The following CEP83 variants were observed in gnomAD, a reference collection of about 807,000 sequenced individuals.
The protein encoded by CEP83 is centrosomal protein of 83 kDa.
CEP83 carries 70 observed loss-of-function variants against 101.9 expected under a neutral mutation model. The observed-to-expected ratio is 0.69, with a 90% CI of 0.57 to 0.84. CEP83 has a LOEUF of 0.84. CEP83 is among the 40% of genes least tolerant of loss of function. The pLI is 0.00. For missense variants in CEP83, 715 were observed against 787.2 expected (o/e 0.91, Z 1.10); for synonymous variants, 264 against 267.9 (o/e 0.99, Z 0.14).
rs549218399 is a variant in CEP83 at position 94,449,629 on chromosome 12, C to T, written c.-155+9928G>A. Among the ~76,000 whole-genome samples the T allele has an allele frequency of 7.3e-5, 11 of 149,710 alleles. No homozygotes were observed. In the South Asian group the frequency reaches 1.3e-3, roughly 17 times the overall value. ...AAAAAAAAAAAAAAAGAAAAATAGCCAGGTGTGGTGGCATGAGCCTGTAGC... is the reference window on the plus strand; with the variant it reads ...AAAAAAAAAAAAAAAGAAAAATAGCTAGGTGTGGTGGCATGAGCCTGTAGC... On this transcript the variant is annotated intron_variant, in intron 1 of 16. Coordinates refer to ENST00000397809, the MANE Select transcript of CEP83 (RefSeq NM_016122.3).
intron 14 of CEP83, among the ~76,000 whole-genome samples, chr12:94,329,563 G>T (rs1041558504): frequency 4.6e-5 from 7 of 152,164 alleles, no homozygotes; most frequent in African/African-American, 1.7e-4. Context: ...TGCTTCAAAA[G>T]AATTCAACCC....
chr12:94,396,280 CTTT>C (rs776434390), intron 6 of CEP83, among the ~76,000 whole-genome samples: 2 of 90,940 alleles, frequency 2.2e-5, no homozygotes, highest in African/African-American at 9.2e-5. Flanking sequence ...AAAAGCATGA[CTTT>C]TTTTTTTTTT....
At chr12:94,277,280 GA>G in the CEP83 span, 3 of 152,538 alleles carry the variant, frequency 2.0e-5, no homozygotes, top group African/African-American at 7.2e-5. Flanking sequence ...CTGCCCTCAT[GA>G]TCTAATCCCC....
At chr12:94,379,426 C>T (rs1014687429) in intron 6 of CEP83, among the ~76,000 whole-genome samples, 3 of 152,168 alleles carry the variant, frequency 2.0e-5, no homozygotes, top group Admixed American at 6.5e-5. Flanking sequence ...GACTGTAATT[C>T]TTGAGCTAGT....
intron 1 of CEP83, among the ~76,000 whole-genome samples, chr12:94,455,013 C>T: frequency 6.6e-6 from 1 of 151,956 alleles, no homozygotes. Flanking sequence ...ATCTGAACAT[C>T]TGAAGGAACA....
At chr12:94,345,031 A>G (rs1216811150) in intron 11 of CEP83, among the ~76,000 whole-genome samples, 1 of 152,200 alleles carries the variant, frequency 6.6e-6, no homozygotes, top group African/African-American at 2.4e-5. Context: ...GAGGGAAAAG[A>G]TAGTCTTCAA....
intron 2 of CEP83, chr12:94,424,925 C>T: frequency 1.9e-6 from 3 of 1,594,632 alleles, no homozygotes; most frequent in Non-Finnish European, 2.6e-6. Context: ...TCTATTGTAG[C>T]CAAAAGTAGA....
intron 6 of CEP83, among the ~76,000 whole-genome samples, chr12:94,397,376 G>A (rs1305528382): frequency 6.6e-6 from 1 of 152,036 alleles, no homozygotes; most frequent in Non-Finnish European, 1.5e-5. Context: ...GCACCTGCCT[G>A]AATCCCAGCT....
At chr12:94,301,100 T>A in the CEP83 span, 1 of 1,560,968 alleles carries the variant, frequency 6.4e-7, no homozygotes, top group East Asian at 2.2e-5. Context: ...GTCTTATGAG[T>A]TTGACATACT....
chr12:94,378,234 A>G (rs2061653598), intron 7 of CEP83, among the ~76,000 whole-genome samples: 2 of 152,218 alleles, frequency 1.3e-5, no homozygotes, highest in Admixed American at 1.3e-4. Flanking sequence ...TCATAAGGCA[A>G]TACCCGTAGG....
chr12:94,370,779 T>C (rs1017729286), intron 8 of CEP83, among the ~76,000 whole-genome samples: 1 of 152,116 alleles, frequency 6.6e-6, no homozygotes, highest in African/African-American at 2.4e-5. Flanking sequence ...GTTTGAGGCC[T>C]GGTGTTGGAG....
chr12:94,405,276 G>A (rs151030541), intron 4 of CEP83, among the ~76,000 whole-genome samples: 40 of 152,324 alleles, frequency 2.6e-4, no homozygotes, highest in African/African-American at 8.9e-4. Context: ...ATATTAAAAG[G>A]TATTAATGAA....
At chr12:94,433,372 A>T (rs1401660844) in intron 2 of CEP83, among the ~76,000 whole-genome samples, 1 of 152,160 alleles carries the variant, frequency 6.6e-6, no homozygotes, top group Non-Finnish European at 1.5e-5. Context: ...AGCAGCAGGT[A>T]GTCAATAATC....
the CEP83 span, chr12:94,297,263 T>G: frequency 6.2e-7 from 1 of 1,613,636 alleles, no homozygotes; most frequent in Non-Finnish European, 8.5e-7. Context: ...ACTGCATGCC[T>G]TCTGTAGCAA....
At chr12:94,435,602 T>C (rs1386512866) in intron 1 of CEP83, among the ~76,000 whole-genome samples, 1 of 152,160 alleles carries the variant, frequency 6.6e-6, no homozygotes, top group African/African-American at 2.4e-5. Context: ...ATCCTGCCAA[T>C]GCAGGGCAAG....
intron 11 of CEP83, 151 bp from the exon 12 acceptor site, chr12:94,335,815 C>A: frequency 1.6e-6 from 1 of 608,156 alleles, no homozygotes; most frequent in Non-Finnish European, 2.9e-6. Context: ...GTTGTGTTCA[C>A]GTATAACAAA....
chr12:94,371,332 A>C (rs2061297493), intron 8 of CEP83, among the ~76,000 whole-genome samples: 1 of 152,200 alleles, frequency 6.6e-6, no homozygotes, highest in Non-Finnish European at 1.5e-5. Flanking sequence ...AATCAATTGA[A>C]TCTGGTGACA....
At chr12:94,423,973 C>A in intron 2 of CEP83, 1 of 1,613,106 alleles carries the variant, frequency 6.2e-7, no homozygotes, top group Non-Finnish European at 8.5e-7. Flanking sequence ...TGGAGGCAGG[C>A]TGGAGAGAAA....
chr12:94,382,022 G>T (rs2061877562), intron 6 of CEP83, among the ~76,000 whole-genome samples: 1 of 151,990 alleles, frequency 6.6e-6, no homozygotes, highest in South Asian at 2.1e-4. Context: ...TAAAATTACA[G>T]ATTGAATTTC....
Sources: allele counts gnomAD v4.1 joint callset (sites outside exome capture counted in the v4.1 genomes callset), GRCh38; gene constraint gnomAD v4.1.1; transcripts MANE v1.5; gene names NCBI Gene and HGNC (gene_info 2026-07-23, HGNC 2026-07-21).